The following CACNA2D3 variants were observed in gnomAD, a reference collection of about 807,000 sequenced individuals.
CACNA2D3 encodes calcium voltage-gated channel auxiliary subunit alpha2delta 3.
CACNA2D3 carries 60 observed loss-of-function variants against 160.6 expected under a neutral mutation model. That is an observed-to-expected ratio of 0.37 (90% CI 0.30 to 0.46). The LOEUF (loss-of-function observed/expected upper bound fraction) is 0.46, where lower values mean the gene tolerates loss of function less well. Ranked by LOEUF, CACNA2D3 falls within the 20% of genes least tolerant of loss-of-function variation. CACNA2D3 has a pLI of 1.00. For missense variants in CACNA2D3, 1,205 were observed against 1,365.0 expected, an observed-to-expected ratio of 0.88 and a Z score of 1.85; for synonymous variants, 558 against 492.9, an observed-to-expected ratio of 1.13 and a Z score of -1.75.
intron 18 of CACNA2D3, among the ~76,000 whole-genome samples, chr3:54,872,387 C>G (rs112711114): frequency 0.019 from 2,934 of 152,226 alleles, 43 homozygotes; most frequent in Non-Finnish European, 0.027. Flanking sequence ...CCTACTCTTC[C>G]CTTTTTCTAA....
intron 2 of CACNA2D3, among the ~76,000 whole-genome samples, chr3:54,260,191 C>T (rs1418648275): frequency 6.9e-6 from 1 of 145,382 alleles, no homozygotes; most frequent in Non-Finnish European, 1.6e-5. Context: ...TTCTACTGAT[C>T]TCTTTTTTCT....
chr3:54,536,611 C>T (rs1203796992), intron 5 of CACNA2D3, among the ~76,000 whole-genome samples: 1 of 152,226 alleles, frequency 6.6e-6, no homozygotes, highest in East Asian at 1.9e-4. Flanking sequence ...CACTTTGCTG[C>T]TGCTCTGTGA....
intron 11 of CACNA2D3, among the ~76,000 whole-genome samples, chr3:54,707,025 T>A (rs1181866080): frequency 2.6e-5 from 4 of 152,210 alleles, no homozygotes; most frequent in Non-Finnish European, 4.4e-5. Context: ...TTATTTCTCT[T>A]ACAAAGGCCT....
chr3:54,297,377 C>T (rs540670485), intron 2 of CACNA2D3, among the ~76,000 whole-genome samples: 37 of 152,158 alleles, frequency 2.4e-4, no homozygotes, highest in Non-Finnish European at 4.9e-4. Flanking sequence ...TATTATTAGC[C>T]CCTGAAGGAG....
chr3:55,067,100 G>GT (rs1559478654), intron 35 of CACNA2D3, among the ~76,000 whole-genome samples: 4 of 143,496 alleles, frequency 2.8e-5, no homozygotes. Context: ...ATCTTTTGTA[G>GT]CGGGGGGGGC....
intron 5 of CACNA2D3, among the ~76,000 whole-genome samples, chr3:54,555,706 C>T (rs770950504): frequency 5.9e-5 from 9 of 152,148 alleles, no homozygotes; most frequent in Non-Finnish European, 8.8e-5. Flanking sequence ...TTTCATGTCT[C>T]GGAAGGTAGA....
At chr3:54,821,281 T>A (rs1329730225) in intron 14 of CACNA2D3, among the ~76,000 whole-genome samples, 1 of 152,228 alleles carries the variant, frequency 6.6e-6, no homozygotes, top group Non-Finnish European at 1.5e-5. Flanking sequence ...AATTGATGCA[T>A]TCAGGGCTGC....
intron 2 of CACNA2D3, among the ~76,000 whole-genome samples, chr3:54,310,698 GAA>G (rs1212365570): frequency 6.6e-6 from 1 of 152,180 alleles, no homozygotes; most frequent in African/African-American, 2.4e-5. Flanking sequence ...TGCGGCAAAA[GAA>G]TGACGTATTT....
intron 2 of CACNA2D3, among the ~76,000 whole-genome samples, chr3:54,144,044 A>G (rs2107271426): frequency 6.6e-6 from 1 of 152,372 alleles, no homozygotes; most frequent in African/African-American, 2.4e-5. Context: ...GATGATACAA[A>G]AAGAAAGAAA....
intron 27 of CACNA2D3, among the ~76,000 whole-genome samples, chr3:54,963,306 T>C (rs12498130): frequency 0.4 from 60,071 of 151,920 alleles, 13,574 homozygotes; most frequent in East Asian, 0.56. Flanking sequence ...TGGAGAATTG[T>C]ACCTTCCATC....
At chr3:54,402,634 A>G (rs1699489870) in intron 4 of CACNA2D3, among the ~76,000 whole-genome samples, 1 of 152,054 alleles carries the variant, frequency 6.6e-6, no homozygotes, top group South Asian at 2.1e-4. Flanking sequence ...CCTAAGACAA[A>G]TATTAATTGA....
intron 13 of CACNA2D3, among the ~76,000 whole-genome samples, chr3:54,801,078 C>T (rs959079991): frequency 6.6e-6 from 1 of 151,734 alleles, no homozygotes; most frequent in African/African-American, 2.4e-5. Context: ...CCTCTGCTTC[C>T]CAGGCTCAAC....
chr3:54,563,454 G>A (rs1702359147), intron 6 of CACNA2D3, among the ~76,000 whole-genome samples: 1 of 152,170 alleles, frequency 6.6e-6, no homozygotes, highest in South Asian at 2.1e-4. Context: ...CACAGAGGGT[G>A]CTCCCAGCAC....
chr3:54,678,135 G>A (rs1700276731), intron 11 of CACNA2D3, among the ~76,000 whole-genome samples: 1 of 152,158 alleles, frequency 6.6e-6, no homozygotes, highest in African/African-American at 2.4e-5. Flanking sequence ...AGATCCCTGG[G>A]AAGGGAGGGA....
chr3:54,736,954 G>C (rs1475135758), intron 11 of CACNA2D3, among the ~76,000 whole-genome samples: 6 of 152,064 alleles, frequency 3.9e-5, no homozygotes, highest in African/African-American at 1.2e-4. Context: ...ACCAGGTTTG[G>C]GGCTGATGTT....
chr3:54,958,314 GC>G (rs1701951495), intron 27 of CACNA2D3, among the ~76,000 whole-genome samples: 1 of 152,164 alleles, frequency 6.6e-6, no homozygotes, highest in South Asian at 2.1e-4. Flanking sequence ...GACTGCCTGA[GC>G]CCAAGAGTTG....
chr3:54,925,158 G>T (rs781754883), intron 27 of CACNA2D3: 2 of 1,613,910 alleles, frequency 1.2e-6, no homozygotes, highest in Non-Finnish European at 1.7e-6. Flanking sequence ...ACACTTGTCC[G>T]GGCAGCTGCA....
At position 54,831,026 on chromosome 3, in the gene CACNA2D3, T is replaced by A. The variant is rs112162769; in HGVS notation, c.1399-6133T>A. Among the ~76,000 whole-genome samples the A allele has an allele frequency of 5.3e-5, 8 of 152,328 alleles. 1 individual carries two copies. The highest frequency in any genetic ancestry group is 1.9e-4 in the African/African-American group (8 of 41,578). ...TATACATTTATATTATTTACTAACA[T>A]AGTCAATATGTTGATCAATGTTAAT... On this transcript the variant is annotated intron_variant, in intron 14 of 37. Coordinates refer to ENST00000474759, the MANE Select transcript of CACNA2D3 (RefSeq NM_018398.3).
At chr3:54,889,573 C>G (rs941544843) in intron 24 of CACNA2D3, among the ~76,000 whole-genome samples, 8 of 152,150 alleles carry the variant, frequency 5.3e-5, no homozygotes, top group African/African-American at 1.9e-4. Flanking sequence ...ACGAGAGACA[C>G]TGGGGGAGGA....
Sources: allele counts gnomAD v4.1 joint callset (sites outside exome capture counted in the v4.1 genomes callset), GRCh38; gene constraint gnomAD v4.1.1; transcripts MANE v1.5; gene names NCBI Gene and HGNC (gene_info 2026-07-23, HGNC 2026-07-21).